The following ZNF638 variants were observed in gnomAD, a reference collection of about 807,000 sequenced individuals.
The protein encoded by ZNF638 is zinc finger protein 638.
A neutral mutation model predicts 195.6 loss-of-function variants in ZNF638; 46 were observed. The observed-to-expected ratio is 0.24, with a 90% CI of 0.19 to 0.30. The LOEUF is 0.30. Ranked by LOEUF, ZNF638 falls within the 10% of genes least tolerant of loss-of-function variation. The pLI is 1.00. For synonymous variants in ZNF638, 845 were observed against 772.0 expected, an observed-to-expected ratio of 1.09 and a Z score of -1.57; for missense variants, 2,440 against 2,325.3, an observed-to-expected ratio of 1.05 and a Z score of -1.01.
intron 5 of ZNF638, 121 bp from the exon 6 acceptor site, chr2:71,365,308 A>AT (rs71402912): frequency 0.19 from 154,002 of 794,636 alleles, 19,180 homozygotes; most frequent in African/African-American, 0.49. Context: ...TAAAATCTAG[A>AT]TTTTTGTATT....
At chr2:71,375,590 T>TG (rs1201757675) in intron 8 of ZNF638, 12 of 152,206 alleles carry the variant, frequency 7.9e-5, no homozygotes, top group African/African-American at 2.9e-4. Context: ...GCCATCTAGT[T>TG]GCAGAGGCAG....
Position 71,380,571 on chromosome 2 carries a change from T to G in ZNF638, c.2377+6T>G, listed in dbSNP as rs1411211928. ...TGTTACTTCAACTTCTGCTGGTAAGTTGTTACTTTTAATATTCTTTCAAAT... is the reference window on the plus strand; with the variant it reads ...TGTTACTTCAACTTCTGCTGGTAAGGTGTTACTTTTAATATTCTTTCAAAT... On this transcript the variant is annotated splice_donor_region_variant and intron_variant, in intron 10 of 27. Coordinates refer to ENST00000264447, the MANE Select transcript of ZNF638 (RefSeq NM_014497.5). The G allele has an allele frequency of 3.1e-6, 5 of 1,600,814 alleles. No individual in the cohort carries two copies. Among genetic ancestry groups the G allele is most frequent in the Non-Finnish European group, 4.3e-6 (5 of 1,173,222 alleles).
chr2:71,364,158 A>C lies in ZNF638; in HGVS notation c.1623A>C (p.Ser541=). The change falls in exon 5 of 28, where the codon TCA becomes TCC. Residue 541 remains serine, a synonymous_variant. Transcript: ENST00000264447. Reference sequence around the variant, plus strand: ...ACAGATCCAGATCCAGATCCCGTTCACCATATCGAATTAGAAATCCATTTA... The same window carrying C: ...ACAGATCCAGATCCAGATCCCGTTCCCCATATCGAATTAGAAATCCATTTA... ...SRYRSRSRSR[S]PYRIRNPFRG... The C allele has an allele frequency of 6.2e-7, 1 of 1,614,202 alleles. No individual in the cohort carries two copies. Among genetic ancestry groups the C allele is most frequent in the South Asian group, 1.1e-5 (1 of 91,082 alleles).
intron 10 of ZNF638, chr2:71,393,476 T>C (rs1444419758): frequency 1.4e-6 from 1 of 717,790 alleles, no homozygotes; most frequent in East Asian, 2.7e-5. Flanking sequence ...GTGAAGGAAA[T>C]GATCCTGCAG....
At chr2:71,365,064 T>C (rs914418122) in intron 5 of ZNF638, among the ~76,000 whole-genome samples, 1 of 152,244 alleles carries the variant, frequency 6.6e-6, no homozygotes, top group African/African-American at 2.4e-5. Context: ...AATATGGGAA[T>C]TTACTTTTTT....
At chr2:71,376,366 A>G (rs2104332137) in intron 8 of ZNF638, 1 of 151,964 alleles carries the variant, frequency 6.6e-6, no homozygotes, top group South Asian at 2.1e-4. Context: ...TGCCTTCTTC[A>G]TATTGGAAGT....
chr2:71,422,731 A>G (rs912784552), intron 21 of ZNF638, 83 bp from the exon 22 acceptor site: 31 of 1,413,624 alleles, frequency 2.2e-5, no homozygotes, highest in African/African-American at 2.9e-5. Context: ...AGGATTCTTT[A>G]TAATGGTTGA....
At chr2:71,386,411 AT>A (rs1294879526) in intron 10 of ZNF638, among the ~76,000 whole-genome samples, 1 of 152,110 alleles carries the variant, frequency 6.6e-6, no homozygotes, top group South Asian at 2.1e-4. Flanking sequence ...AAGCCAGCAT[AT>A]GTTTAATAAT....
At position 71,360,850 on chromosome 2, in the gene ZNF638, GCA is replaced by G. The variant is rs2079097179; in HGVS notation, c.1380-2300_1380-2299del. ...TGTTGGGAGCGTTATTGCTTCTGAA[GCA>G]CATTTTTGACTAGTTGGGCAGTATA... On this transcript the variant is annotated intron_variant, in intron 3 of 27. Coordinates refer to ENST00000264447, the MANE Select transcript of ZNF638 (RefSeq NM_014497.5). 3.3e-5 allele frequency among the ~76,000 whole-genome samples: 5 copies of G among 152,216 alleles called. No homozygotes were observed. In the South Asian group the frequency reaches 1.0e-3, roughly 32 times the overall value.
chr2:71,374,895 G>C (rs2079392824), intron 8 of ZNF638: 1 of 152,200 alleles, frequency 6.6e-6, no homozygotes, highest in Non-Finnish European at 1.5e-5. Context: ...TGGCACCCCA[G>C]CCTGGGCAAC....
At position 71,365,647 on chromosome 2, in the gene ZNF638, G is replaced by A; in HGVS notation, c.1936G>A (p.Asp646Asn). Residue 646 changes from aspartate (D) to asparagine (N), a missense_variant, in exon 6 of 28, where the codon GAT becomes AAT. This residue lies in a region of ZNF638 where 1,883 missense variants were observed against 1,739.1 expected (regional missense o/e 1.08). Coordinates refer to ENST00000264447, the MANE Select transcript of ZNF638 (RefSeq NM_014497.5). ...TCGTTGTAAATCAAAGAATCTTGAA[G>A]ATGACACTTTGTCAGAATGTAAACA... ...SIRCKSKNLE[D>N]DTLSECKQVS... 1 of 1,614,146 alleles carries A rather than the reference G, an allele frequency of 6.2e-7. No homozygotes were observed. The highest frequency in any genetic ancestry group is 1.1e-5 in the South Asian group (1 of 91,082).
chr2:71,380,462 T>G (rs1231800220), intron 9 of ZNF638, 51 bp from the exon 10 acceptor site: 2 of 1,487,800 alleles, frequency 1.3e-6, no homozygotes, highest in Non-Finnish European at 1.8e-6. Flanking sequence ...TAGGATTTTG[T>G]AGAACTTAGA....
At chr2:71,347,780 T>A (rs1470009674) in intron 1 of ZNF638, among the ~76,000 whole-genome samples, 1 of 152,234 alleles carries the variant, frequency 6.6e-6, no homozygotes, top group Non-Finnish European at 1.5e-5. Flanking sequence ...TTTTAACTAA[T>A]AAAGTGCCTG....
chr2:71,418,526 TA>T, intron 20 of ZNF638, 75 bp from the exon 21 acceptor site: 1 of 1,060,400 alleles, frequency 9.4e-7, no homozygotes, highest in Non-Finnish European at 1.3e-6. Flanking sequence ...AAATTTTTAC[TA>T]AAAACATTGC....
chr2:71,392,019 A>G (rs940148091), intron 10 of ZNF638, among the ~76,000 whole-genome samples: 1 of 152,194 alleles, frequency 6.6e-6, no homozygotes, highest in Non-Finnish European at 1.5e-5. Context: ...CTAAAACACT[A>G]TTTGGCTATA....
intron 15 of ZNF638, among the ~76,000 whole-genome samples, chr2:71,401,443 A>C (rs2080003555): frequency 6.6e-6 from 1 of 152,186 alleles, no homozygotes; most frequent in Non-Finnish European, 1.5e-5. Context: ...TTATTCAGGA[A>C]GATAAAAGGA....
At chr2:71,425,284 G>T (rs919233832) in intron 23 of ZNF638, among the ~76,000 whole-genome samples, 2 of 152,058 alleles carry the variant, frequency 1.3e-5, no homozygotes, top group African/African-American at 4.8e-5. Flanking sequence ...TGTTGTTGGG[G>T]CAAGGAGAAA....
At chr2:71,418,501 T>G in intron 20 of ZNF638, 101 bp from the exon 21 acceptor site, 1 of 826,496 alleles carries the variant, frequency 1.2e-6, no homozygotes, top group Non-Finnish European at 1.8e-6. Context: ...TTTTAAGGTT[T>G]TTTTTTTTGA....
In ZNF638 at chr2:71,376,606, C is replaced by G. The variant is rs537833102; in HGVS notation, c.2266-3616C>G. On this transcript the variant is annotated intron_variant, in intron 8 of 27. Coordinates refer to ENST00000264447, the MANE Select transcript of ZNF638 (RefSeq NM_014497.5). ...CATGTCAAAACCTAGAAAAAACTTACCCGCCCAACATTTGATATTTCATGT... is the reference window on the plus strand; with the variant it reads ...CATGTCAAAACCTAGAAAAAACTTAGCCGCCCAACATTTGATATTTCATGT... 2.0e-5 allele frequency among the ~76,000 whole-genome samples: 3 copies of G among 152,244 alleles called. 1 individual carries two copies. In the South Asian group the frequency reaches 6.2e-4, roughly 32 times the overall value.
Sources: gnomAD v4.1 joint callset for allele counts (sites outside exome capture counted in the v4.1 genomes callset) on GRCh38, gnomAD v4.1.1 for gene constraint, gnomAD v4.1.1 regional missense constraint, MANE v1.5 for transcripts, NCBI Gene and HGNC (gene_info 2026-07-23, HGNC 2026-07-21) for gene names.